Variants in USP35 observed in about 807,000 individuals in gnomAD.
USP35 encodes ubiquitin carboxyl-terminal hydrolase 35.
USP35 carries 69 observed loss-of-function variants against 83.8 expected under a neutral mutation model. That is an observed-to-expected ratio of 0.82 (90% CI 0.68 to 1.01). The LOEUF (loss-of-function observed/expected upper bound fraction) is 1.01, where lower values mean the gene tolerates loss of function less well. Among genes scored for constraint, USP35 ranks in the 50% least tolerant of loss-of-function variants. The pLI is 0.00. For missense variants in USP35, 1,503 were observed against 1,362.5 expected (o/e 1.10, Z -1.62); for synonymous variants, 714 against 589.5 (o/e 1.21, Z -3.06).
chr11:78,213,179 G>A (rs1204539517), intron 10 of USP35, among the ~76,000 whole-genome samples: 1 of 152,218 alleles, frequency 6.6e-6, no homozygotes, highest in African/African-American at 2.4e-5. Context: ...GGGGCCTGAG[G>A]CTGAGTCAGG....
At chr11:78,190,765 G>A (rs540038237) in intron 1 of USP35, among the ~76,000 whole-genome samples, 2 of 152,206 alleles carry the variant, frequency 1.3e-5, no homozygotes, top group Non-Finnish European at 2.9e-5. Flanking sequence ...GGGCATTGAA[G>A]GGTGAGTCAG....
rs2134411055 is a variant in USP35 at position 78,208,871 on chromosome 11, C to T, written c.1500C>T (p.Ser500=). The T allele has an allele frequency of 6.2e-7, 1 of 1,614,188 alleles. No individual in the cohort carries two copies. The highest frequency in any genetic ancestry group is 2.2e-5 in the East Asian group (1 of 44,884). ...FLEHSQRPAI[S]PENFLSASWT... is the part of the protein sequence containing the mutation. The stretch of plus-strand genomic sequence containing the variant: ...CCTTGTCCTAGCGGCCTGCCATTTC[C>T]CCAGAGAACTTCCTCTCCGCATCCT... The change falls in exon 9 of 11, where the codon TCC becomes TCT. Residue 500 remains serine, a synonymous_variant. Transcript: ENST00000529308.
At chr11:78,229,136 C>T in the USP35 span, among the ~76,000 whole-genome samples, 1 of 152,096 alleles carries the variant, frequency 6.6e-6, no homozygotes, top group African/African-American at 2.4e-5. Context: ...GGTATCAGCC[C>T]TTGCTGGGGG....
chr11:78,221,319 G>A, the USP35 span, among the ~76,000 whole-genome samples: 1 of 152,160 alleles, frequency 6.6e-6, no homozygotes, highest in African/African-American at 2.4e-5. Context: ...AGTGAGTTAT[G>A]TGCACGTATG....
chr11:78,229,974 G>C, the USP35 span, among the ~76,000 whole-genome samples: 12 of 152,084 alleles, frequency 7.9e-5, no homozygotes, highest in Non-Finnish European at 1.8e-4. Flanking sequence ...GCTTAACTTT[G>C]TTCTTGGAGC....
intron 6 of USP35, 97 bp from the exon 7 acceptor site, chr11:78,205,745 G>T (rs1005025903): frequency 5.8e-6 from 8 of 1,384,344 alleles, no homozygotes; most frequent in Non-Finnish European, 7.9e-6. Context: ...AGGCCTTGGG[G>T]TTGGCTGTAT....
rs529552691 is a variant in USP35 at position 78,200,859 on chromosome 11, A to T, written c.1197+51A>T. 4 of 1,540,330 alleles carry T rather than the reference A, an allele frequency of 2.6e-6. No individual in the cohort carries two copies. In the Admixed American group the frequency reaches 6.1e-5, roughly 24 times the overall value. On this transcript the variant is annotated intron_variant, in intron 6 of 10. Transcript: ENST00000529308. ...CTTGCCCCACTCTGACAAAGGTACC[A>T]GTGTGGGCCTTCCAGCGGGCCATAC...
chr11:78,212,101 G>A (rs550258540), intron 10 of USP35, among the ~76,000 whole-genome samples: 7 of 152,208 alleles, frequency 4.6e-5, no homozygotes, highest in East Asian at 1.9e-4. Flanking sequence ...TTAATCCATC[G>A]AGTGAATTTT....
the USP35 span, chr11:78,223,480 C>A: frequency 1.9e-6 from 3 of 1,602,416 alleles, no homozygotes; most frequent in Middle Eastern, 1.7e-4. Context: ...GCTGGGGCCT[C>A]GGTGCACAGG....
chr11:78,189,594 C>T (rs998677630), intron 1 of USP35, among the ~76,000 whole-genome samples: 2 of 152,146 alleles, frequency 1.3e-5, no homozygotes, highest in Admixed American at 6.5e-5. Flanking sequence ...CCCCCTCTTA[C>T]GGCCCTGGCC....
chr11:78,220,540 G>C, the USP35 span: 19 of 1,081,166 alleles, frequency 1.8e-5, no homozygotes, highest in Non-Finnish European at 2.5e-5. Flanking sequence ...CTGTTTCCCT[G>C]AGCCCTACTC....
chr11:78,213,538 G>C, intron 10 of USP35, 108 bp from the exon 11 acceptor site: 1 of 1,297,982 alleles, frequency 7.7e-7, no homozygotes, highest in African/African-American at 1.5e-5. Context: ...TGTGTGTCCA[G>C]GCCCTGGGGA....
At chr11:78,234,218 G>A in the USP35 span, among the ~76,000 whole-genome samples, 1 of 152,148 alleles carries the variant, frequency 6.6e-6, no homozygotes, top group Non-Finnish European at 1.5e-5. Context: ...GAGTAGCTGG[G>A]AATGCAAGCA....
chr11:78,204,685 T>A (rs1243260292), intron 6 of USP35, among the ~76,000 whole-genome samples: 1 of 152,174 alleles, frequency 6.6e-6, no homozygotes, highest in Non-Finnish European at 1.5e-5. Flanking sequence ...AGATAGGGTA[T>A]CATGAACAGA....
chr11:78,229,579 A>G, the USP35 span, among the ~76,000 whole-genome samples: 1 of 152,192 alleles, frequency 6.6e-6, no homozygotes, highest in Non-Finnish European at 1.5e-5. Flanking sequence ...CACCCACATT[A>G]TGATTTCTGC....
chr11:78,202,246 C>T (rs187200718), intron 6 of USP35, among the ~76,000 whole-genome samples: 31 of 152,152 alleles, frequency 2.0e-4, no homozygotes, highest in Admixed American at 9.2e-4. Flanking sequence ...ACTAAGAAGC[C>T]GACTAAAAGC....
intron 6 of USP35, among the ~76,000 whole-genome samples, chr11:78,203,022 G>A (rs1375248891): frequency 6.6e-6 from 1 of 152,124 alleles, no homozygotes; most frequent in South Asian, 2.1e-4. Flanking sequence ...ACCCTGCCCC[G>A]GGCACTGAGG....
chr11:78,221,962 G>C, the USP35 span: 1 of 704,314 alleles, frequency 1.4e-6, no homozygotes, highest in Non-Finnish European at 2.6e-6. Context: ...AGGAAACCAA[G>C]CCACAAGACA....
the USP35 span, among the ~76,000 whole-genome samples, chr11:78,233,964 G>C: frequency 1.8e-4 from 27 of 152,176 alleles, no homozygotes; most frequent in African/African-American, 6.3e-4. Flanking sequence ...TTTTGATAAA[G>C]ACTACTTCAC....
Sources: allele counts gnomAD v4.1 joint callset (sites outside exome capture counted in the v4.1 genomes callset), GRCh38; gene constraint gnomAD v4.1.1; transcripts MANE v1.5; gene names NCBI Gene and HGNC (gene_info 2026-07-23, HGNC 2026-07-21).